The following PRAG1 variants were observed in gnomAD, a reference collection of about 807,000 sequenced individuals.
PRAG1 encodes PEAK1 related, kinase-activating pseudokinase 1.
PRAG1 carries 110 observed loss-of-function variants against 95.6 expected under a neutral mutation model. The ratio of observed to expected loss-of-function variants is 1.15; its 90% confidence interval spans 0.99 to 1.35. The LOEUF (loss-of-function observed/expected upper bound fraction) is 1.35, where lower values mean the gene tolerates loss of function less well. Among genes scored for constraint, PRAG1 ranks in the 40% most tolerant of loss-of-function variants. The pLI, the probability that PRAG1 is intolerant of heterozygous loss-of-function variation, is 0.00. For synonymous variants in PRAG1, 1,052 were observed against 819.4 expected, an observed-to-expected ratio of 1.28 and a Z score of -4.85; for missense variants, 2,554 against 1,864.7, an observed-to-expected ratio of 1.37 and a Z score of -6.81.
chr8:8,375,208 T>TTTTTTTTTTTTTTTTG (rs1554511987), intron 3 of PRAG1, among the ~76,000 whole-genome samples: 2 of 146,188 alleles, frequency 1.4e-5, no homozygotes, highest in African/African-American at 2.6e-5. Context: ...TTCTTTGTTT[T>TTTTTTTTTTTTTTTTG]TTTTTTTGTT....
chr8:8,322,354 G>A (rs117864949), intron 5 of PRAG1, among the ~76,000 whole-genome samples: 30,293 of 151,944 alleles, frequency 0.2, 3,563 homozygotes, highest in Non-Finnish European at 0.28. Context: ...CTAAATTTTT[G>A]TATTTTTAGT....
chr8:8,322,244 G>A (rs190109468), intron 5 of PRAG1, among the ~76,000 whole-genome samples: 129 of 152,090 alleles, frequency 8.5e-4, no homozygotes, highest in African/African-American at 2.9e-3. Context: ...GCAGTGGCAC[G>A]ATCTCGGCTC....
chr8:8,364,079 C>A (rs1022554950), intron 3 of PRAG1, among the ~76,000 whole-genome samples: 1 of 152,154 alleles, frequency 6.6e-6, no homozygotes, highest in African/African-American at 2.4e-5. Context: ...CCTTACTGAC[C>A]TGTGTGAATA....
At chr8:8,331,072 G>C (rs1798804765) in intron 4 of PRAG1, among the ~76,000 whole-genome samples, 1 of 152,178 alleles carries the variant, frequency 6.6e-6, no homozygotes, top group Non-Finnish European at 1.5e-5. Flanking sequence ...CAGAAGCTGA[G>C]GCTGGGAGAT....
intron 3 of PRAG1, among the ~76,000 whole-genome samples, chr8:8,351,035 A>G (rs1199767947): frequency 6.6e-6 from 1 of 152,170 alleles, no homozygotes; most frequent in East Asian, 1.9e-4. Context: ...TGTATTAGTT[A>G]GTTCTCTATT....
rs540683866 is a variant in PRAG1, at chr8:8,326,254, GTAA to G, written c.3072+1453_3072+1455del. 4.0e-3 allele frequency among the ~76,000 whole-genome samples: 595 copies of G among 147,340 alleles called. 2 individuals carry two copies. The highest frequency in any genetic ancestry group is 0.011 in the African/African-American group (441 of 40,490). ...TATTTATATATACTGAATATTAATA[GTAA>G]TAATAATATTACTTAAATATTGTTT... On this transcript the variant is annotated intron_variant, in intron 5 of 5. Transcript: ENST00000615670.
At chr8:8,363,741 T>C (rs935018608) in intron 3 of PRAG1, among the ~76,000 whole-genome samples, 4 of 152,236 alleles carry the variant, frequency 2.6e-5, no homozygotes, top group African/African-American at 9.6e-5. Flanking sequence ...TTTATGTGTA[T>C]GTCTATTTTT....
intron 4 of PRAG1, among the ~76,000 whole-genome samples, chr8:8,334,113 AG>A (rs1223890334): frequency 6.6e-6 from 1 of 152,204 alleles, no homozygotes; most frequent in Non-Finnish European, 1.5e-5. Flanking sequence ...CAGTCAGAGC[AG>A]GTTCAACATG....
At chr8:8,385,572 T>G (rs1800819548) in intron 1 of PRAG1, among the ~76,000 whole-genome samples, 1 of 152,200 alleles carries the variant, frequency 6.6e-6, no homozygotes, top group Non-Finnish European at 1.5e-5. Flanking sequence ...GACTCCGCAC[T>G]GAATGCATCG....
chr8:8,380,846 C>A (rs1001352570), intron 2 of PRAG1, among the ~76,000 whole-genome samples: 4 of 113,888 alleles, frequency 3.5e-5, no homozygotes, highest in African/African-American at 1.4e-4. Flanking sequence ...GAGAGAGACT[C>A]CATCTCAAAA....
intron 3 of PRAG1, among the ~76,000 whole-genome samples, chr8:8,363,333 G>A (rs756643296): frequency 6.6e-6 from 1 of 152,086 alleles, no homozygotes; most frequent in African/African-American, 2.4e-5. Context: ...GACCAAATAT[G>A]TATTTCACAA....
intron 3 of PRAG1, among the ~76,000 whole-genome samples, chr8:8,363,837 T>C (rs1034947297): frequency 2.0e-5 from 3 of 152,220 alleles, no homozygotes; most frequent in South Asian, 2.1e-4. Flanking sequence ...ATTTAATTTA[T>C]ATTAAGTATA....
intron 3 of PRAG1, among the ~76,000 whole-genome samples, chr8:8,361,665 C>T (rs1799851812): frequency 6.6e-6 from 1 of 152,194 alleles, no homozygotes; most frequent in Admixed American, 6.5e-5. Context: ...ATACAAGGTT[C>T]GAGCAGCCCA....
Position 8,353,974 on chromosome 8 carries a change from G to GA in PRAG1, c.2163-14340dup, listed in dbSNP as rs36102058. Among the ~76,000 whole-genome samples the GA allele has an allele frequency of 5.6e-4, 83 of 147,840 alleles. 1 individual carries two copies. The highest frequency in any genetic ancestry group is 3.9e-4 in the East Asian group (2 of 5,074). ...ATAAAGAACAGAAAAGCCACATAAG[G>GA]AAAAAAAAAGTCAATAGAACTGAGA... On this transcript the variant is annotated intron_variant, in intron 3 of 5. Transcript: ENST00000615670.
rs4840954 is a variant in PRAG1, at chr8:8,376,702, C to T, written c.1707G>A (p.Pro569=). The part of the protein sequence containing the change: ...SPSAGGPPVS[P]LADLSDGSSG... Reference sequence around the variant, plus strand: ...AGCTCCCATCACTAAGGTCAGCCAGCGGTGACACTGGGGGCCCTCCAGCAG... The same window carrying T: ...AGCTCCCATCACTAAGGTCAGCCAGTGGTGACACTGGGGGCCCTCCAGCAG... Residue 569 remains proline (P), a synonymous_variant, in exon 3 of 6, where the codon CCG becomes CCA. Transcript: ENST00000615670. 0.33 allele frequency: 533,456 copies of T among 1,610,282 alleles called. 94,399 individuals are homozygous for T. The highest frequency in any genetic ancestry group is 0.65 in the East Asian group (29,296 of 44,810).
intron 5 of PRAG1, among the ~76,000 whole-genome samples, chr8:8,327,328 G>C (rs1798661749): frequency 6.6e-6 from 1 of 152,168 alleles, no homozygotes; most frequent in South Asian, 2.1e-4. Flanking sequence ...CCAGCATTTT[G>C]GGAGGCCGAG....
At position 8,376,174 on chromosome 8, in the gene PRAG1, A is replaced by T. The variant is rs947593755; in HGVS notation, c.2162+73T>A. ...CTGGGACCTGGGCCTGAAAGCTTTG[A>T]TGAGGGCAAAGGTTTCTTCTGGAAG... On this transcript the variant is annotated intron_variant, in intron 3 of 5. Coordinates refer to ENST00000615670, the MANE Select transcript of PRAG1 (RefSeq NM_001080826.3). 4.6e-6 allele frequency: 7 copies of T among 1,527,096 alleles called. No homozygotes were observed. In the East Asian group the frequency reaches 1.4e-4, roughly 30 times the overall value. 94.6% of individuals were successfully genotyped at this position (1,527,096 alleles called of 1,614,324 possible).
intron 1 of PRAG1, 142 bp from the exon 2 acceptor site, chr8:8,381,976 G>A (rs982500322): frequency 4.6e-5 from 22 of 473,816 alleles, no homozygotes; most frequent in Admixed American, 3.1e-4. Context: ...TGGGACCCTC[G>A]CCCATTTGTC....
Position 8,332,163 on chromosome 8 carries a change from A to AT in PRAG1, c.2321-3703dup, listed in dbSNP as rs35335829. On this transcript the variant is annotated intron_variant, in intron 4 of 5. Transcript: ENST00000615670. ...CTGGGCATTATCTACACATATTACGATTTTTTTTTTTTTTTTTGATGAAGT... is the reference window on the plus strand; with the variant it reads ...CTGGGCATTATCTACACATATTACGATTTTTTTTTTTTTTTTTTGATGAAGT... Among the ~76,000 whole-genome samples, 346 of 136,880 alleles carry AT rather than the reference A, an allele frequency of 2.5e-3. 2 individuals carry two copies. The highest frequency in any genetic ancestry group is 0.014 in the South Asian group (59 of 4,264). The allele number at this position is 136,880 out of a possible 152,430, so 89.8% of individuals were successfully genotyped here.
Sources: gnomAD v4.1 joint callset for allele counts (sites outside exome capture counted in the v4.1 genomes callset) on GRCh38, gnomAD v4.1.1 for gene constraint, MANE v1.5 for transcripts, NCBI Gene and HGNC (gene_info 2026-07-23, HGNC 2026-07-21) for gene names.